The following VPS26B variants were observed in gnomAD, a reference collection of about 807,000 sequenced individuals.
VPS26B encodes the protein VPS26 retromer complex component B, also known as vacuolar protein sorting-associated protein 26B.
A neutral mutation model predicts 33.3 loss-of-function variants in VPS26B; 10 were observed. The observed-to-expected ratio is 0.30, with a 90% CI of 0.19 to 0.51. The LOEUF (loss-of-function observed/expected upper bound fraction) is 0.51. Ranked by LOEUF, VPS26B falls within the 20% of genes least tolerant of loss-of-function variation. The pLI, the probability that VPS26B is intolerant of heterozygous loss-of-function variation, is 0.98. For missense variants in VPS26B, 317 were observed against 452.7 expected, an observed-to-expected ratio of 0.70 and a Z score of 2.72; for synonymous variants, 190 against 176.9, an observed-to-expected ratio of 1.07 and a Z score of -0.59.
In VPS26B at chr11:134,225,200, G is replaced by T. The variant is rs748498512; in HGVS notation, c.78G>T (p.Glu26Asp). ...ATGCAGAGAGTAGGAAGCGGGCCGAGCACAAGACGGAGGACGGGAAGAAGG... is the reference window on the plus strand; with the variant it reads ...ATGCAGAGAGTAGGAAGCGGGCCGATCACAAGACGGAGGACGGGAAGAAGG... Reference protein sequence around the residue: ...LNDAESRKRAEHKTEDGKKEK... With the variant: ...LNDAESRKRADHKTEDGKKEK... The change falls in exon 1 of 6, where the codon GAG (glutamate) becomes GAT (aspartate). Residue 26 changes from glutamate to aspartate, a missense_variant. Coordinates refer to ENST00000281187, the MANE Select transcript of VPS26B (RefSeq NM_052875.5). 1.2e-6 allele frequency: 2 copies of T among 1,614,156 alleles called. No homozygotes were observed. Among genetic ancestry groups the T allele is most frequent in the Non-Finnish European group, 1.7e-6 (2 of 1,179,982 alleles).
rs1188174730 is a variant in VPS26B, at chr11:134,244,422, A to G, written c.722-516A>G. Reference sequence around the variant, plus strand: ...GAGAAAATGAAGGTCCAGAGGAAGCAGAGACTTAACTCACAAATCAGAAAA... The same window carrying G: ...GAGAAAATGAAGGTCCAGAGGAAGCGGAGACTTAACTCACAAATCAGAAAA... On this transcript the variant is annotated intron_variant, in intron 4 of 5. Coordinates refer to ENST00000281187, the MANE Select transcript of VPS26B (RefSeq NM_052875.5). The surrounding 1 kb of genome is among the most constrained non-coding windows in gnomAD (Gnocchi z 4.0). The G allele has an allele frequency of 6.6e-6, 1 of 152,484 alleles. No homozygotes were observed. The highest frequency in any genetic ancestry group is 1.5e-5 in the Non-Finnish European group (1 of 68,282). The allele number at this position is 152,484 out of a possible 1,614,324, so 9.4% of individuals were successfully genotyped here.
chr11:134,242,647 C>T (rs900187045), intron 3 of VPS26B, among the ~76,000 whole-genome samples: 1 of 152,266 alleles, frequency 6.6e-6, no homozygotes, highest in Non-Finnish European at 1.5e-5. Flanking sequence ...TCTTCTCACT[C>T]TACTGCTGCT....
chr11:134,234,769 G>A (rs1426142583), intron 1 of VPS26B, 128 bp from the exon 2 acceptor site: 2 of 1,104,120 alleles, frequency 1.8e-6, no homozygotes, highest in Non-Finnish European at 1.3e-6. Flanking sequence ...AAGGCTAGAA[G>A]GGGTCTGTTC....
rs773295674 is a variant in VPS26B, at chr11:134,245,525, G to T, written c.946G>T (p.Gly316Cys). The T allele has an allele frequency of 2.5e-6, 4 of 1,613,858 alleles. No individual in the cohort carries two copies. Among genetic ancestry groups the T allele is most frequent in the Non-Finnish European group, 3.4e-6 (4 of 1,179,992 alleles). ...QAAIASQRFE[G>C]TTSLGEVRTP... ...GGCCATCGCCTCACAGCGCTTTGAG[G>T]GCACCACCTCCCTGGGTGAGGTGCG... The change falls in exon 6 of 6, where the codon GGC becomes TGC. Residue 316 changes from glycine to cysteine, a missense_variant. Gly to Cys is a radical substitution (Grantham distance 159). Transcript: ENST00000281187. This position sits in a 1 kb window ranked among gnomAD's most constrained non-coding sequence, Gnocchi z 4.7.
rs78758295 is a variant in VPS26B, at chr11:134,231,913, C to T, written c.224-2984C>T. Reference sequence around the variant, plus strand: ...GACTTAGGTTTCTTCCAAAACTGCACGAGGCCTAGACTAAACATGGCCTTA... The same window carrying T: ...GACTTAGGTTTCTTCCAAAACTGCATGAGGCCTAGACTAAACATGGCCTTA... On this transcript the variant is annotated intron_variant, in intron 1 of 5. Coordinates refer to ENST00000281187, the MANE Select transcript of VPS26B (RefSeq NM_052875.5). Among the ~76,000 whole-genome samples, 19 of 152,288 alleles carry T rather than the reference C, an allele frequency of 1.2e-4. No individual in the cohort carries two copies. The East Asian group carries it at 3.1e-3, about 25-fold the overall frequency.
chr11:134,232,731 C>G (rs556526281), intron 1 of VPS26B, among the ~76,000 whole-genome samples: 1 of 152,324 alleles, frequency 6.6e-6, no homozygotes, highest in East Asian at 1.9e-4. Context: ...TTCCTCTTGA[C>G]TCTGGACCAT....
Position 134,240,342 on chromosome 11 carries a change from G to A in VPS26B, c.545+187G>A, listed in dbSNP as rs1270515238. Among the ~76,000 whole-genome samples the A allele has an allele frequency of 6.6e-6, 1 of 152,136 alleles. No individual in the cohort carries two copies. Among genetic ancestry groups the A allele is most frequent in the Non-Finnish European group, 1.5e-5 (1 of 68,020 alleles). On this transcript the variant is annotated intron_variant, in intron 3 of 5. Transcript: ENST00000281187. This position sits in a 1 kb window ranked among gnomAD's most constrained non-coding sequence, Gnocchi z 4.4. ...CAGCTGCAGCTGGACCGACCACGAC[G>A]TAAACACTTCATTTACCTAAACTAA...
chr11:134,239,508 C>T, intron 2 of VPS26B: 1 of 172,508 alleles, frequency 5.8e-6, no homozygotes, highest in Non-Finnish European at 1.3e-5. Flanking sequence ...TATTGGGACA[C>T]TTTAAAAAGG....
At chr11:134,235,606 G>A (rs1468025148) in intron 2 of VPS26B, 1 of 152,296 alleles carries the variant, frequency 6.6e-6, no homozygotes, top group African/African-American at 2.4e-5. Context: ...CAGCTGCAGT[G>A]TGACCTTGAG....
At chr11:134,230,531 G>T (rs1938541490) in intron 1 of VPS26B, among the ~76,000 whole-genome samples, 1 of 152,204 alleles carries the variant, frequency 6.6e-6, no homozygotes, top group Non-Finnish European at 1.5e-5. Flanking sequence ...CTGACAACTC[G>T]GTGACTCTCC....
Position 134,245,078 on chromosome 11 carries a change from CAGGT to C in VPS26B, c.863_864+2del. On this transcript the variant is annotated splice_donor_variant and coding_sequence_variant, in exon 5 of 6. Transcript: ENST00000281187. LOFTEE classifies it high-confidence loss of function. This position sits in a 1 kb window ranked among gnomAD's most constrained non-coding sequence, Gnocchi z 4.7. Reference sequence around the variant, plus strand: ...GGAGGAGCGGCGCTACTTCAAGCAGCAGGTGAGGGCCAGGCTCCTCCAGGCCCCG... The same window carrying C: ...GGAGGAGCGGCGCTACTTCAAGCAGCGAGGGCCAGGCTCCTCCAGGCCCCG... 1 of 1,613,928 alleles carries C rather than the reference CAGGT, an allele frequency of 6.2e-7. No homozygotes were observed. The highest frequency in any genetic ancestry group is 1.3e-5 in the African/African-American group (1 of 75,058).
Position 134,240,559 on chromosome 11 carries a change from C to T in VPS26B, c.545+404C>T, listed in dbSNP as rs929638333. Among the ~76,000 whole-genome samples the T allele has an allele frequency of 3.3e-5, 5 of 152,140 alleles. No individual in the cohort carries two copies. Among genetic ancestry groups the T allele is most frequent in the Admixed American group, 2.0e-4 (3 of 15,280 alleles). Reference sequence around the variant, plus strand: ...TCTGTGTCTTCAGAAATCAAAGCGACGAAACCAAATATTGGCCATGATTTG... The same window carrying T: ...TCTGTGTCTTCAGAAATCAAAGCGATGAAACCAAATATTGGCCATGATTTG... On this transcript the variant is annotated intron_variant, in intron 3 of 5. Coordinates refer to ENST00000281187, the MANE Select transcript of VPS26B (RefSeq NM_052875.5). The surrounding 1 kb of genome is among the most constrained non-coding windows in gnomAD (Gnocchi z 4.4).
chr11:134,237,785 G>A (rs990154207), intron 2 of VPS26B, among the ~76,000 whole-genome samples: 36 of 152,272 alleles, frequency 2.4e-4, no homozygotes, highest in Admixed American at 6.5e-4. Context: ...ACCTCGAGGC[G>A]AGCGGTTTCT....
chr11:134,239,851 A>G lies in VPS26B; in HGVS notation c.381-140A>G, dbSNP rs573068336. The G allele has an allele frequency of 1.7e-5, 15 of 879,394 alleles. No homozygotes were observed. The East Asian group carries it at 3.7e-4, about 22-fold the overall frequency. The allele number at this position is 879,394 out of a possible 1,614,324, so 54.5% of individuals were successfully genotyped here. On this transcript the variant is annotated intron_variant, in intron 2 of 5. Coordinates refer to ENST00000281187, the MANE Select transcript of VPS26B (RefSeq NM_052875.5). ...CATCTTTCCCTGGAAGAGGGTCTGTAACTTCTTAAAAGGATACAAAGCCCT... is the reference window on the plus strand; with the variant it reads ...CATCTTTCCCTGGAAGAGGGTCTGTGACTTCTTAAAAGGATACAAAGCCCT...
intron 2 of VPS26B, chr11:134,236,693 G>A (rs377390348): frequency 3.3e-5 from 5 of 152,344 alleles, no homozygotes; most frequent in Admixed American, 6.5e-5. Flanking sequence ...ATTGTGCTAC[G>A]TGAAAGAAGC....
chr11:134,241,928 C>T (rs776315976), intron 3 of VPS26B, among the ~76,000 whole-genome samples: 24 of 152,368 alleles, frequency 1.6e-4, no homozygotes, highest in South Asian at 4.1e-4. Context: ...GTTTCAAACA[C>T]ACAGAAAGTG....
rs1938790505 is a variant in VPS26B at position 134,245,136 on chromosome 11, CTT to C, written c.864+58_864+59del. 1 of 1,587,288 alleles carries C rather than the reference CTT, an allele frequency of 6.3e-7. No homozygotes were observed. Among genetic ancestry groups the C allele is most frequent in the Admixed American group, 1.8e-5 (1 of 54,994 alleles). Reference sequence around the variant, plus strand: ...CCCTTGGGACAGAACAGGAGGCTCTCTTTCCTATGGAAGGTCAGACTCCATTT... The same window carrying C: ...CCCTTGGGACAGAACAGGAGGCTCTCTCCTATGGAAGGTCAGACTCCATTT... On this transcript the variant is annotated intron_variant, in intron 5 of 5. Coordinates refer to ENST00000281187, the MANE Select transcript of VPS26B (RefSeq NM_052875.5). This position sits in a 1 kb window ranked among gnomAD's most constrained non-coding sequence, Gnocchi z 4.7.
At position 134,225,481 on chromosome 11, in the gene VPS26B, C is replaced by T. The variant is rs749592817; in HGVS notation, c.223+136C>T. The T allele has an allele frequency of 2.6e-5, 23 of 869,626 alleles. 1 individual carries two copies. The South Asian group carries it at 3.3e-4, about 13-fold the overall frequency. The allele number at this position is 869,626 out of a possible 1,614,324, so 53.9% of individuals were successfully genotyped here. A position where few individuals can be genotyped will look rare whatever the true frequency, so the allele number is the denominator to read the frequency against. ...CAGTCTGAGGCCTGGGGTTCAGCTACAAGTCCCGCCCGTGGGCGACTCCCC... is the reference window on the plus strand; with the variant it reads ...CAGTCTGAGGCCTGGGGTTCAGCTATAAGTCCCGCCCGTGGGCGACTCCCC... On this transcript the variant is annotated intron_variant, in intron 1 of 5. Coordinates refer to ENST00000281187, the MANE Select transcript of VPS26B (RefSeq NM_052875.5).
rs1405489181 is a variant in VPS26B, at chr11:134,225,435, G to A, written c.223+90G>A. 3.0e-6 allele frequency: 4 copies of A among 1,324,894 alleles called. No individual in the cohort carries two copies. The East Asian group carries it at 9.9e-5, about 33-fold the overall frequency. The allele number at this position is 1,324,894 out of a possible 1,614,324, so 82.1% of individuals were successfully genotyped here. ...GGGCCCAGCTCCTCCGGCGAGGCCT[G>A]TCACAGTCGCTTGTCAACTGCAGTC... On this transcript the variant is annotated intron_variant, in intron 1 of 5. Coordinates refer to ENST00000281187, the MANE Select transcript of VPS26B (RefSeq NM_052875.5).
Sources: gnomAD v4.1 joint callset for allele counts (sites outside exome capture counted in the v4.1 genomes callset) on GRCh38, gnomAD v4.1.1 for gene constraint, Gnocchi (gnomAD v3.1) non-coding constraint, MANE v1.5 for transcripts, NCBI Gene and HGNC (gene_info 2026-07-23, HGNC 2026-07-21) for gene names.